SDK2: variants seen among roughly 807,000 people sequenced by gnomAD.
The protein encoded by SDK2 is protein sidekick-2.
Under a neutral mutation model 253.9 loss-of-function variants are expected in SDK2, and 105 were observed. The ratio of observed to expected loss-of-function variants is 0.41; its 90% confidence interval spans 0.35 to 0.49. The LOEUF is 0.49. Ranked by LOEUF, SDK2 falls within the 20% of genes least tolerant of loss-of-function variation. The pLI, the probability that SDK2 is intolerant of heterozygous loss-of-function variation, is 0.06. For missense variants in SDK2, 2,608 were observed against 3,003.0 expected (o/e 0.87, Z 3.07); for synonymous variants, 1,249 against 1,234.9 (o/e 1.01, Z -0.24).
intron 12 of SDK2, among the ~76,000 whole-genome samples, chr17:73,425,145 G>A (rs887676150): frequency 6.6e-6 from 1 of 152,102 alleles, no homozygotes; most frequent in Admixed American, 6.5e-5. Flanking sequence ...ACTTGAACCC[G>A]GGAAGTGGAG....
intron 12 of SDK2, among the ~76,000 whole-genome samples, chr17:73,424,732 A>AC (rs1371482415): frequency 1.3e-5 from 2 of 152,076 alleles, no homozygotes; most frequent in Admixed American, 6.5e-5. Context: ...CACACAATGA[A>AC]CCCAGGCGAG....
At chr17:73,357,755 G>A (rs2062603758) in intron 40 of SDK2, 1 of 413,776 alleles carries the variant, frequency 2.4e-6, no homozygotes, top group East Asian at 6.0e-5. Context: ...CATCAGTGGG[G>A]TCGTGTGGAG....
intron 1 of SDK2, among the ~76,000 whole-genome samples, chr17:73,575,719 A>T (rs1317291092): frequency 6.6e-6 from 1 of 152,202 alleles, no homozygotes; most frequent in Non-Finnish European, 1.5e-5. Flanking sequence ...TTATGGAATT[A>T]AAGTTGAATA....
rs529082600 is a variant in SDK2, at chr17:73,430,587, G to T, written c.1507C>A (p.Gln503Lys). The T allele has an allele frequency of 1.2e-4, 185 of 1,580,582 alleles. No homozygotes were observed. Among genetic ancestry groups the T allele is most frequent in the Non-Finnish European group, 1.5e-4 (177 of 1,162,610 alleles). The stretch of plus-strand genomic sequence containing the variant: ...GTGCCCTTGATGACACTCTGATCCT[G>T]GGGGGGCTTGGTGATGCGGGTCCGA... Reference protein sequence around the residue: ...WARTRITKPPQDQSVIKGTQA... With the variant: ...WARTRITKPPKDQSVIKGTQA... The change falls in exon 12 of 45, where the codon CAG becomes AAG. Residue 503 changes from glutamine to lysine, a missense_variant. Gln to Lys is a moderately conservative substitution (Grantham distance 53). Around this residue, in one of 2 missense-constraint regions of SDK2, gnomAD observed 1,505 missense variants for 1,859.1 expected, o/e 0.81. Coordinates refer to ENST00000392650, the MANE Select transcript of SDK2 (RefSeq NM_001144952.2).
At chr17:73,348,462 T>C (rs1318660368) in intron 44 of SDK2, 137 bp downstream of exon 44, 2 of 1,082,192 alleles carry the variant, frequency 1.8e-6, no homozygotes, top group Admixed American at 2.6e-5. Flanking sequence ...CATATATGAC[T>C]TCAGGGTGGT....
chr17:73,336,254 T>A lies in SDK2; in HGVS notation c.*2333A>T, dbSNP rs900867180. On this transcript the variant is annotated 3_prime_UTR_variant, in exon 45 of 45. Transcript: ENST00000392650. ...ACGATCACAGGCCGGCAGCTGCAGA[T>A]GTGCTGCCATGGAGATGCCAGATGC... 1.3e-5 allele frequency: 2 copies of A among 149,242 alleles called. No homozygotes were observed. Among genetic ancestry groups the A allele is most frequent in the African/African-American group, 4.9e-5 (2 of 40,432 alleles). 9.2% of individuals were successfully genotyped at this position (149,242 alleles called of 1,614,324 possible).
In SDK2 at chr17:73,361,222, G is replaced by C. The variant is rs577278333; in HGVS notation, c.5467+462C>G. ...ATCAACCCCTCGGAGCATCCACCCT[G>C]GGAACGTGCATTTTAGTGCGCCCTG... On this transcript the variant is annotated intron_variant, in intron 39 of 44. Coordinates refer to ENST00000392650, the MANE Select transcript of SDK2 (RefSeq NM_001144952.2). The surrounding 1 kb of genome is among the most constrained non-coding windows in gnomAD (Gnocchi z 4.1). Among the ~76,000 whole-genome samples the C allele has an allele frequency of 2.0e-5, 3 of 152,266 alleles. No individual in the cohort carries two copies. In the South Asian group the frequency reaches 6.2e-4, roughly 32 times the overall value.
chr17:73,545,489 A>G (rs1411770529), intron 1 of SDK2, among the ~76,000 whole-genome samples: 6 of 152,172 alleles, frequency 3.9e-5, no homozygotes, highest in Admixed American at 3.3e-4. Flanking sequence ...AATGTGCAAG[A>G]ACAAGGGAAG....
intron 1 of SDK2, among the ~76,000 whole-genome samples, chr17:73,560,025 C>A (rs1479593172): frequency 6.6e-6 from 1 of 152,102 alleles, no homozygotes; most frequent in Non-Finnish European, 1.5e-5. Flanking sequence ...CCACGGGAAG[C>A]GGGTCTATGG....
chr17:73,391,007 C>T (rs1000245372), intron 28 of SDK2, among the ~76,000 whole-genome samples: 4 of 152,194 alleles, frequency 2.6e-5, no homozygotes, highest in Non-Finnish European at 2.9e-5. Context: ...AGCTGCCGAC[C>T]GGAACCCTGG....
chr17:73,567,155 C>T (rs1206149332), intron 1 of SDK2, among the ~76,000 whole-genome samples: 3 of 152,252 alleles, frequency 2.0e-5, no homozygotes, highest in Non-Finnish European at 2.9e-5. Flanking sequence ...TCCCTGCTGC[C>T]CTCTGCGGCC....
At chr17:73,592,215 A>T (rs1476376927) in intron 1 of SDK2, among the ~76,000 whole-genome samples, 1 of 152,228 alleles carries the variant, frequency 6.6e-6, no homozygotes, top group Non-Finnish European at 1.5e-5. Context: ...GGCCACAGCC[A>T]TGCCTCCGTG....
Position 73,419,161 on chromosome 17 carries a change from C to A in SDK2, c.2186+5G>T. 4 of 1,611,296 alleles carry A rather than the reference C, an allele frequency of 2.5e-6. No individual in the cohort carries two copies. The highest frequency in any genetic ancestry group is 3.4e-6 in the Non-Finnish European group (4 of 1,178,950). On this transcript the variant is annotated splice_donor_5th_base_variant and intron_variant, in intron 16 of 44. Transcript: ENST00000392650. ...TGGGCTCCTGTCCCCAGGGTGGACA[C>A]CCACCTGATGATGTAACCCTTGAGA...
intron 1 of SDK2, among the ~76,000 whole-genome samples, chr17:73,557,638 A>ATCC (rs914114405): frequency 7.3e-5 from 11 of 150,514 alleles, no homozygotes; most frequent in African/African-American, 2.0e-4. Context: ...TCTTCTTCCC[A>ATCC]TCCTCCTCCT....
chr17:73,500,542 C>T (rs2063882009), intron 2 of SDK2, among the ~76,000 whole-genome samples: 1 of 149,374 alleles, frequency 6.7e-6, no homozygotes, highest in Non-Finnish European at 1.5e-5. Flanking sequence ...CATCCCCCCT[C>T]AGTTCTCCTT....
chr17:73,392,195 G>A (rs1230032724), intron 27 of SDK2, among the ~76,000 whole-genome samples: 3 of 99,754 alleles, frequency 3.0e-5, no homozygotes, highest in African/African-American at 4.2e-5. Flanking sequence ...GCAGGGGGTG[G>A]GGGAGGGTAG....
chr17:73,374,305 G>A (rs1280010541), intron 36 of SDK2, among the ~76,000 whole-genome samples: 1 of 143,572 alleles, frequency 7.0e-6, no homozygotes, highest in Non-Finnish European at 1.5e-5. Context: ...GTCTCCCCTC[G>A]AATGTCCAAC....
intron 2 of SDK2, among the ~76,000 whole-genome samples, chr17:73,483,667 A>G (rs1229079494): frequency 0.33 from 21,180 of 63,862 alleles, 4,181 homozygotes; most frequent in Admixed American, 0.41. Context: ...GTGTGTATAT[A>G]TATATATATA....
Position 73,538,624 on chromosome 17 carries a change from G to A in SDK2, c.65-31027C>T, listed in dbSNP as rs144932398. 1.7e-3 allele frequency among the ~76,000 whole-genome samples: 256 copies of A among 152,296 alleles called. 1 individual carries two copies. Among genetic ancestry groups the A allele is most frequent in the African/African-American group, 5.8e-3 (239 of 41,546 alleles). On this transcript the variant is annotated intron_variant, in intron 1 of 44. Transcript: ENST00000392650. ...AATGAACAGAGTCAAACAACTTCTC[G>A]CCCACGCCTAGCCCACACTGGGGAT...
Sources: allele counts gnomAD v4.1 joint callset (sites outside exome capture counted in the v4.1 genomes callset), GRCh38; gene constraint gnomAD v4.1.1; regional missense constraint gnomAD v4.1.1; non-coding constraint Gnocchi (gnomAD v3.1); transcripts MANE v1.5; gene names NCBI Gene and HGNC (gene_info 2026-07-23, HGNC 2026-07-21).